GSE1: variants seen among roughly 807,000 people sequenced by gnomAD.
The protein encoded by GSE1 is genetic suppressor element 1.
Under a neutral mutation model 112.6 loss-of-function variants are expected in GSE1, and 32 were observed. That is an observed-to-expected ratio of 0.28 (90% CI 0.21 to 0.38). The LOEUF (loss-of-function observed/expected upper bound fraction) is 0.38. GSE1 is among the 10% of genes least tolerant of loss of function. The pLI, the probability that GSE1 is intolerant of heterozygous loss-of-function variation, is 1.00. For synonymous variants in GSE1, 1,115 were observed against 735.6 expected (o/e 1.52, Z -8.35); for missense variants, 2,348 against 1,699.2 (o/e 1.38, Z -6.71).
chr16:85,226,128 C>T (rs906482507), intron 1 of GSE1, among the ~76,000 whole-genome samples: 1 of 152,202 alleles, frequency 6.6e-6, no homozygotes, highest in Admixed American at 6.5e-5. Flanking sequence ...CCACCATACT[C>T]ACTTCCTTAG....
At chr16:85,395,341 A>G (rs8052629) in intron 2 of GSE1, among the ~76,000 whole-genome samples, 61,993 of 152,022 alleles carry the variant, frequency 0.41, 12,963 homozygotes, top group African/African-American at 0.45. Flanking sequence ...AGCAGCAGCT[A>G]AGATGATCGC....
At chr16:85,331,140 T>A (rs1018823854) in intron 1 of GSE1, among the ~76,000 whole-genome samples, 5 of 151,210 alleles carry the variant, frequency 3.3e-5, no homozygotes, top group Non-Finnish European at 5.9e-5. Flanking sequence ...ATTTATTTTT[T>A]AAATTTTTAT....
chr16:85,337,219 G>A (rs1266956036), intron 1 of GSE1, among the ~76,000 whole-genome samples: 1 of 152,086 alleles, frequency 6.6e-6, no homozygotes, highest in Non-Finnish European at 1.5e-5. Context: ...GCTACCCTTT[G>A]GGCCTAGGCA....
intron 1 of GSE1, among the ~76,000 whole-genome samples, chr16:85,223,842 C>T (rs1309305455): frequency 2.6e-5 from 4 of 152,056 alleles, no homozygotes; most frequent in South Asian, 2.1e-4. Flanking sequence ...TGATCTCAAG[C>T]GATCCACCCA....
At chr16:85,522,332 A>G (rs1567558294) in intron 2 of GSE1, among the ~76,000 whole-genome samples, 1 of 151,998 alleles carries the variant, frequency 6.6e-6, no homozygotes, top group Non-Finnish European at 1.5e-5. Context: ...AAAGATGTCC[A>G]CAGCCCAGGG....
At chr16:85,258,554 C>G (rs937850728) in intron 1 of GSE1, among the ~76,000 whole-genome samples, 3 of 152,102 alleles carry the variant, frequency 2.0e-5, no homozygotes, top group Non-Finnish European at 4.4e-5. Flanking sequence ...CGCCTGCCCT[C>G]CAGGTGGAGG....
rs1300433025 is a variant in GSE1, at chr16:85,666,343, T to G, written c.3126T>G (p.His1042Gln). 2 of 1,613,356 alleles carry G rather than the reference T, an allele frequency of 1.2e-6. No homozygotes were observed. Among genetic ancestry groups the G allele is most frequent in the South Asian group, 2.2e-5 (2 of 91,060 alleles). ...CCACCCAGAAGGCCCTGCAGAAGCA[T>G]AAAGGTAATGAGGCTGCCAGTCCCT... ...LQSTQKALQK[H>Q]KGSVAVLSAE... Residue 1042 changes from histidine (H) to glutamine (Q), a missense_variant, in exon 13 of 16, where the codon CAT becomes CAG. Coordinates refer to ENST00000253458, the MANE Select transcript of GSE1 (RefSeq NM_014615.5).
intron 1 of GSE1, among the ~76,000 whole-genome samples, chr16:85,317,945 C>A (rs527755780): frequency 6.6e-5 from 10 of 152,324 alleles, no homozygotes; most frequent in Non-Finnish European, 1.3e-4. Flanking sequence ...AGTTGGTTCT[C>A]AAAAGAACTG....
intron 1 of GSE1, among the ~76,000 whole-genome samples, chr16:85,272,500 T>G (rs550493837): frequency 5.1e-4 from 77 of 152,264 alleles, no homozygotes; most frequent in Non-Finnish European, 6.6e-4. Flanking sequence ...CGGCCATAGG[T>G]GGCATTCTCC....
chr16:85,462,181 A>G (rs953043826), intron 2 of GSE1, among the ~76,000 whole-genome samples: 1 of 152,112 alleles, frequency 6.6e-6, no homozygotes, highest in Non-Finnish European at 1.5e-5. Flanking sequence ...TTGCCAGAGC[A>G]CACGGTGTCA....
chr16:85,320,311 C>T (rs1254979631), intron 1 of GSE1, among the ~76,000 whole-genome samples: 3 of 152,202 alleles, frequency 2.0e-5, no homozygotes, highest in East Asian at 3.9e-4. Flanking sequence ...TCCTTTCGCT[C>T]ACGCAGAACA....
intron 1 of GSE1, among the ~76,000 whole-genome samples, chr16:85,577,651 G>A (rs1329129515): frequency 6.6e-6 from 1 of 152,102 alleles, no homozygotes. Context: ...GTGGCACAGA[G>A]GTCGAGGGTC....
chr16:85,235,489 C>T (rs1904523144), intron 1 of GSE1, among the ~76,000 whole-genome samples: 2 of 144,222 alleles, frequency 1.4e-5, no homozygotes, highest in South Asian at 4.5e-4. Flanking sequence ...GTGTTCTGGC[C>T]TCCCATCTCC....
intron 1 of GSE1, among the ~76,000 whole-genome samples, chr16:85,175,632 G>A (rs1347697391): frequency 3.3e-5 from 5 of 152,224 alleles, no homozygotes; most frequent in Non-Finnish European, 4.4e-5. Flanking sequence ...TCTGCCTGCT[G>A]CCTTTCTGCT....
chr16:85,632,156 CT>C (rs2049589655), intron 1 of GSE1, among the ~76,000 whole-genome samples: 2 of 152,304 alleles, frequency 1.3e-5, no homozygotes, highest in South Asian at 2.1e-4. Context: ...CCCTCCACCC[CT>C]GGCCCCTCCA....
exon 1 of GSE1, chr16:85,170,282 G>A (rs2074338238): frequency 1.0e-6 from 1 of 985,732 alleles, no homozygotes; most frequent in Non-Finnish European, 1.2e-6. Flanking sequence ...TCCGGGGTTA[G>A]GCGCCGGCGG....
chr16:85,301,372 T>C (rs960594659), intron 1 of GSE1, among the ~76,000 whole-genome samples: 1 of 152,204 alleles, frequency 6.6e-6, no homozygotes, highest in Non-Finnish European at 1.5e-5. Flanking sequence ...GTGGGTGGTC[T>C]CTGGGAGGCG....
chr16:85,544,960 AG>A (rs2044646243), intron 2 of GSE1, among the ~76,000 whole-genome samples: 1 of 152,256 alleles, frequency 6.6e-6, no homozygotes, highest in African/African-American at 2.4e-5. Context: ...CCACTGGTTC[AG>A]GGACTGCAGA....
At chr16:85,659,211 G>A (rs192122864) in intron 8 of GSE1, among the ~76,000 whole-genome samples, 14 of 152,286 alleles carry the variant, frequency 9.2e-5, no homozygotes, top group Non-Finnish European at 1.6e-4. Flanking sequence ...AGCCTTGGTG[G>A]CTGTGTTTAA....
Sources: gnomAD v4.1 joint callset for allele counts (sites outside exome capture counted in the v4.1 genomes callset) on GRCh38, gnomAD v4.1.1 for gene constraint, MANE v1.5 for transcripts, NCBI Gene and HGNC (gene_info 2026-07-23, HGNC 2026-07-21) for gene names.